RGS6: variants seen among roughly 807,000 people sequenced by gnomAD.
RGS6 encodes regulator of G protein signaling 6.
A neutral mutation model predicts 78.5 loss-of-function variants in RGS6; 30 were observed. The ratio of observed to expected loss-of-function variants is 0.38; its 90% CI spans 0.29 to 0.52. The LOEUF (loss-of-function observed/expected upper bound fraction) is 0.52, where lower values mean the gene tolerates loss of function less well. RGS6 is among the 20% of genes least tolerant of loss of function. The pLI is 0.85. For synonymous variants in RGS6, 206 were observed against 206.0 expected (o/e 1.00, Z 0.00); for missense variants, 495 against 609.7 (o/e 0.81, Z 1.98).
At chr14:72,186,231 C>T (rs2097243983) in intron 2 of RGS6, among the ~76,000 whole-genome samples, 1 of 152,188 alleles carries the variant, frequency 6.6e-6, no homozygotes, top group Admixed American at 6.5e-5. Context: ...GTCCATGAAT[C>T]CTTCTCAATG....
At chr14:71,970,100 A>G (rs1283293162) in intron 2 of RGS6, among the ~76,000 whole-genome samples, 1 of 152,222 alleles carries the variant, frequency 6.6e-6, no homozygotes, top group Non-Finnish European at 1.5e-5. Context: ...TGGCTTGCTA[A>G]TAACATTTAA....
At chr14:72,590,641 C>T in the RGS6 span, among the ~76,000 whole-genome samples, 1 of 152,088 alleles carries the variant, frequency 6.6e-6, no homozygotes, top group Non-Finnish European at 1.5e-5. Flanking sequence ...GTTGATGGAA[C>T]AAGATTAAAA....
intron 2 of RGS6, among the ~76,000 whole-genome samples, chr14:72,350,476 C>T (rs1386563254): frequency 6.6e-6 from 1 of 152,158 alleles, no homozygotes; most frequent in East Asian, 1.9e-4. Flanking sequence ...GAGTCCCTGG[C>T]TCCTTTGTGG....
intron 2 of RGS6, among the ~76,000 whole-genome samples, chr14:72,137,874 A>G (rs912456362): frequency 6.6e-6 from 1 of 152,156 alleles, no homozygotes; most frequent in Non-Finnish European, 1.5e-5. Context: ...AATCATTTAC[A>G]TAAATATGAT....
chr14:72,510,132 A>T (rs1164577492), intron 13 of RGS6, 22 bp from the exon 14 acceptor site: 1 of 1,574,924 alleles, frequency 6.3e-7, no homozygotes, highest in South Asian at 1.2e-5. Flanking sequence ...TCTTCTTTAA[A>T]CCTTCTTCCT....
chr14:71,999,136 T>C (rs1463273047), intron 2 of RGS6, among the ~76,000 whole-genome samples: 2 of 152,240 alleles, frequency 1.3e-5, no homozygotes, highest in African/African-American at 4.8e-5. Context: ...CACAGTTTAT[T>C]GACCTCTGAG....
At chr14:72,353,982 TCAG>T (rs56108433) in intron 3 of RGS6, among the ~76,000 whole-genome samples, 17,994 of 148,646 alleles carry the variant, frequency 0.12, 1,078 homozygotes, top group East Asian at 0.18. Flanking sequence ...AGACTCTGTC[TCAG>T]CAACAACAAC....
chr14:72,040,361 T>A (rs1331661139), intron 2 of RGS6, among the ~76,000 whole-genome samples: 1 of 152,054 alleles, frequency 6.6e-6, no homozygotes, highest in Non-Finnish European at 1.5e-5. Flanking sequence ...CCTTCATTTT[T>A]GAGTGACAGC....
In RGS6 at chr14:72,277,424, C is replaced by T. The variant is rs926924597; in HGVS notation, c.85-74671C>T. Among the ~76,000 whole-genome samples, 4 of 151,920 alleles carry T rather than the reference C, an allele frequency of 2.6e-5. No individual in the cohort carries two copies. In the South Asian group the frequency reaches 6.2e-4, roughly 24 times the overall value. On this transcript the variant is annotated intron_variant, in intron 2 of 17. Coordinates refer to ENST00000553525, the MANE Select transcript of RGS6 (RefSeq NM_001204424.2). ...CATCCTGGCCAACATGGTGAAACTC[C>T]CTGTCTACTAAAAATACAAAAAATG...
At chr14:72,601,632 T>C in the RGS6 span, among the ~76,000 whole-genome samples, 1 of 152,396 alleles carries the variant, frequency 6.6e-6, no homozygotes, top group Non-Finnish European at 1.5e-5. Context: ...TTTGAGGTGA[T>C]GCATTTGCTA....
At chr14:72,169,327 T>C (rs909358190) in intron 2 of RGS6, among the ~76,000 whole-genome samples, 2 of 151,468 alleles carry the variant, frequency 1.3e-5, no homozygotes, top group Middle Eastern at 3.4e-3. Context: ...GGAATTACAA[T>C]ACGGATGTCT....
At chr14:72,533,052 A>G (rs570067878) in intron 15 of RGS6, among the ~76,000 whole-genome samples, 18 of 152,364 alleles carry the variant, frequency 1.2e-4, no homozygotes, top group Admixed American at 1.0e-3. Flanking sequence ...TAGGGTTTTC[A>G]TAGCTAGAGA....
At chr14:72,594,927 G>A in the RGS6 span, 1 of 152,058 alleles carries the variant, frequency 6.6e-6, no homozygotes, top group African/African-American at 2.4e-5. Flanking sequence ...CATCCTGAAG[G>A]CCTAAATTCT....
chr14:72,022,797 A>G (rs60103614), intron 2 of RGS6, among the ~76,000 whole-genome samples: 6,338 of 152,292 alleles, frequency 0.042, 176 homozygotes, highest in African/African-American at 0.07. Context: ...GAGATCTTTC[A>G]TGCCTGGACC....
chr14:72,493,509 A>T lies in RGS6; in HGVS notation c.855-1643A>T, dbSNP rs375360980. On this transcript the variant is annotated intron_variant, in intron 12 of 17. Coordinates refer to ENST00000553525, the MANE Select transcript of RGS6 (RefSeq NM_001204424.2). ...TGTCCAATATTGAACTGGAAAAAAA[A>T]ATATAGGACAAGCAAACAAAGGAAA... Among the ~76,000 whole-genome samples, 396 of 148,800 alleles carry T rather than the reference A, an allele frequency of 2.7e-3. 1 individual carries two copies. The highest frequency in any genetic ancestry group is 9.4e-3 in the African/African-American group (378 of 40,400).
chr14:71,873,207 G>T, the RGS6 span, among the ~76,000 whole-genome samples: 2 of 152,296 alleles, frequency 1.3e-5, no homozygotes, highest in Non-Finnish European at 2.9e-5. Context: ...GATCCTTGAG[G>T]AATCGCCACA....
chr14:72,002,424 T>A (rs1433928163), intron 2 of RGS6, among the ~76,000 whole-genome samples: 2 of 152,172 alleles, frequency 1.3e-5, no homozygotes, highest in Non-Finnish European at 2.9e-5. Flanking sequence ...AGCATTTCAG[T>A]GTCTAAGGTT....
chr14:72,000,657 G>A (rs2083249923), intron 2 of RGS6, among the ~76,000 whole-genome samples: 1 of 152,188 alleles, frequency 6.6e-6, no homozygotes, highest in Admixed American at 6.5e-5. Flanking sequence ...GCAGGGTAGT[G>A]AGAGTGGCAG....
chr14:72,568,703 C>T, downstream of RGS6, among the ~76,000 whole-genome samples: 1 of 152,334 alleles, frequency 6.6e-6, no homozygotes, highest in Non-Finnish European at 1.5e-5. Flanking sequence ...CATCTAGATC[C>T]CCGTTTGTCT....
Sources: gnomAD v4.1 joint callset for allele counts (sites outside exome capture counted in the v4.1 genomes callset) on GRCh38, gnomAD v4.1.1 for gene constraint, MANE v1.5 for transcripts, NCBI Gene and HGNC (gene_info 2026-07-23, HGNC 2026-07-21) for gene names.